Variants in XKR6 observed in about 807,000 individuals in gnomAD.
XKR6 encodes XK-related protein 6.
A neutral mutation model predicts 56.7 loss-of-function variants in XKR6; 22 were observed. The observed-to-expected ratio is 0.39, with a 90% CI of 0.28 to 0.55. XKR6 has a LOEUF of 0.55. XKR6 is among the 20% of genes least tolerant of loss of function. The pLI is 0.66. For synonymous variants in XKR6, 524 were observed against 387.8 expected (o/e 1.35, Z -4.13); for missense variants, 852 against 889.0 (o/e 0.96, Z 0.53).
chr8:11,034,163 G>A (rs573800981), intron 1 of XKR6, among the ~76,000 whole-genome samples: 1 of 152,304 alleles, frequency 6.6e-6, no homozygotes, highest in Non-Finnish European at 1.5e-5. Flanking sequence ...GAATAATGGG[G>A]AATGGTGAGT....
chr8:10,904,436 C>T (rs1282232712), intron 2 of XKR6, among the ~76,000 whole-genome samples: 2 of 152,192 alleles, frequency 1.3e-5, no homozygotes, highest in African/African-American at 4.8e-5. Flanking sequence ...CATCAGGGAA[C>T]GTCCTGTTTT....
At chr8:11,169,079 C>T (rs375640305) in intron 1 of XKR6, among the ~76,000 whole-genome samples, 12 of 152,286 alleles carry the variant, frequency 7.9e-5, no homozygotes, top group African/African-American at 2.6e-4. Flanking sequence ...CCTGAGTGGT[C>T]CCAGGCCAAG....
intron 1 of XKR6, among the ~76,000 whole-genome samples, chr8:11,161,903 T>A (rs913058609): frequency 6.6e-6 from 1 of 152,072 alleles, no homozygotes. Context: ...AAGATAAATT[T>A]TACTTACTTA....
At chr8:11,052,590 G>C (rs1407989504) in intron 1 of XKR6, among the ~76,000 whole-genome samples, 1 of 152,154 alleles carries the variant, frequency 6.6e-6, no homozygotes, top group African/African-American at 2.4e-5. Context: ...TCCTGGACGT[G>C]AGGCTTTGGC....
chr8:10,936,110 A>T (rs77675782), intron 1 of XKR6, among the ~76,000 whole-genome samples: 21,091 of 149,402 alleles, frequency 0.14, 1,765 homozygotes, highest in Non-Finnish European at 0.18. Context: ...TATATTTAGG[A>T]TAGTTAGCTC....
At chr8:11,022,482 T>G (rs1366113001) in intron 1 of XKR6, among the ~76,000 whole-genome samples, 3 of 152,160 alleles carry the variant, frequency 2.0e-5, no homozygotes, top group Non-Finnish European at 2.9e-5. Context: ...CAAAATGACC[T>G]TATACAAACA....
chr8:10,915,685 C>T (rs1800543866), intron 2 of XKR6, among the ~76,000 whole-genome samples: 1 of 152,174 alleles, frequency 6.6e-6, no homozygotes. Flanking sequence ...TAATGTATTG[C>T]TTAACAAGAA....
chr8:11,137,683 C>CGG (rs1563165754), intron 1 of XKR6: 1 of 456,194 alleles, frequency 2.2e-6, no homozygotes, highest in Non-Finnish European at 4.4e-6. Flanking sequence ...GCACAAGCAG[C>CGG]GGAGAGTCTG....
intron 2 of XKR6, among the ~76,000 whole-genome samples, chr8:10,922,289 G>A (rs1800745411): frequency 6.6e-6 from 1 of 152,236 alleles, no homozygotes. Context: ...CCTCTCCAGT[G>A]CCAGCAAATC....
At chr8:11,178,548 A>ATATATATATATATATATATATATATG (rs1214012806) in intron 1 of XKR6, among the ~76,000 whole-genome samples, 13 of 78,038 alleles carry the variant, frequency 1.7e-4, no homozygotes, top group Non-Finnish European at 2.6e-4. Flanking sequence ...AGAGGTAAAA[A>ATATATATATATATATATATATATATG]TATATATATA....
At chr8:10,994,180 G>C (rs763310039) in intron 1 of XKR6, among the ~76,000 whole-genome samples, 10 of 152,202 alleles carry the variant, frequency 6.6e-5, no homozygotes, top group Non-Finnish European at 1.5e-4. Flanking sequence ...ATCCTGCCAG[G>C]GGGCTCCTAA....
At chr8:11,035,166 C>A (rs566310442) in intron 1 of XKR6, 2 of 533,974 alleles carry the variant, frequency 3.7e-6, no homozygotes, top group Non-Finnish European at 7.7e-6. Context: ...CAGCCAGTCT[C>A]GTGCCCAGCC....
intron 1 of XKR6, among the ~76,000 whole-genome samples, chr8:11,028,259 T>G (rs1798915681): frequency 1.3e-5 from 2 of 152,236 alleles, no homozygotes; most frequent in African/African-American, 2.4e-5. Context: ...GAATAGGTTC[T>G]TCCATGTTTT....
At chr8:10,939,357 C>T (rs1801320793) in intron 1 of XKR6, among the ~76,000 whole-genome samples, 1 of 152,204 alleles carries the variant, frequency 6.6e-6, no homozygotes, top group Non-Finnish European at 1.5e-5. Flanking sequence ...CTGAGAGGAA[C>T]ACTCTACTGA....
At chr8:11,179,870 T>C (rs1324112623) in intron 1 of XKR6, among the ~76,000 whole-genome samples, 1 of 152,322 alleles carries the variant, frequency 6.6e-6, no homozygotes, top group African/African-American at 2.4e-5. Flanking sequence ...CACTGGCTCA[T>C]GCCAGTAATC....
At chr8:11,004,049 G>A (rs28450750) in intron 1 of XKR6, among the ~76,000 whole-genome samples, 2,452 of 152,290 alleles carry the variant, frequency 0.016, 68 homozygotes, top group African/African-American at 0.055. Context: ...GCAGAGCAGC[G>A]ACAGCAGGAC....
At chr8:11,179,215 C>G (rs960415694) in intron 1 of XKR6, among the ~76,000 whole-genome samples, 10 of 151,950 alleles carry the variant, frequency 6.6e-5, no homozygotes, top group African/African-American at 1.2e-4. Flanking sequence ...CGAGTATAGT[C>G]ACCCAAAAAG....
chr8:11,194,474 A>T (rs78801291), intron 1 of XKR6: 8,784 of 152,316 alleles, frequency 0.058, 296 homozygotes, highest in South Asian at 0.11. Context: ...AAATTTTTTA[A>T]AAGTTTTACT....
intron 1 of XKR6, among the ~76,000 whole-genome samples, chr8:11,019,755 A>G (rs1798708230): frequency 6.6e-6 from 1 of 152,184 alleles, no homozygotes; most frequent in Non-Finnish European, 1.5e-5. Flanking sequence ...TAACACGGTT[A>G]ATTGGTTCCA....
Sources: allele counts gnomAD v4.1 joint callset (sites outside exome capture counted in the v4.1 genomes callset), GRCh38; gene constraint gnomAD v4.1.1; transcripts MANE v1.5; gene names NCBI Gene and HGNC (gene_info 2026-07-23, HGNC 2026-07-21).